NRXN1: variants seen among roughly 807,000 people sequenced by gnomAD.
NRXN1 encodes the protein neurexin 1.
A neutral mutation model predicts 150.9 loss-of-function variants in NRXN1; 39 were observed. The ratio of observed to expected loss-of-function variants is 0.26; its 90% confidence interval spans 0.20 to 0.34. NRXN1 has a LOEUF of 0.34. Among genes scored for constraint, NRXN1 ranks in the 10% least tolerant of loss-of-function variants. The probability of loss-of-function intolerance (pLI) is 1.00; values close to 1 mark genes in which losing one functional copy is unlikely to be tolerated. For synonymous variants in NRXN1, 924 were observed against 757.0 expected, an observed-to-expected ratio of 1.22 and a Z score of -3.62; for missense variants, 1,815 against 1,949.9, an observed-to-expected ratio of 0.93 and a Z score of 1.30.
intron 6 of NRXN1, among the ~76,000 whole-genome samples, chr2:50,623,078 C>A (rs529851500): frequency 6.6e-6 from 1 of 152,226 alleles, no homozygotes; most frequent in African/African-American, 2.4e-5. Flanking sequence ...GATATCCTTG[C>A]AGCCCTTTTG....
At chr2:50,063,379 C>T (rs2152650030) in intron 19 of NRXN1, among the ~76,000 whole-genome samples, 1 of 152,242 alleles carries the variant, frequency 6.6e-6, no homozygotes, top group Non-Finnish European at 1.5e-5. Context: ...TTGGCTCCAG[C>T]TTACTCCAGT....
intron 17 of NRXN1, among the ~76,000 whole-genome samples, chr2:50,398,036 A>G (rs2082154547): frequency 2.0e-5 from 3 of 152,096 alleles, no homozygotes; most frequent in Admixed American, 6.6e-5. Flanking sequence ...AGAATGTTGG[A>G]AAAAAACATC....
chr2:50,312,621 CAT>C (rs989813318), intron 17 of NRXN1: 19 of 450,462 alleles, frequency 4.2e-5, no homozygotes, highest in Admixed American at 2.6e-4. Context: ...ATCCTACACA[CAT>C]GTTAAACCTG....
At chr2:50,974,711 A>T (rs1197159016) in intron 2 of NRXN1, among the ~76,000 whole-genome samples, 1 of 152,006 alleles carries the variant, frequency 6.6e-6, no homozygotes, top group Non-Finnish European at 1.5e-5. Flanking sequence ...TAATCTTCAT[A>T]CCAATATGAA....
intron 2 of NRXN1, among the ~76,000 whole-genome samples, chr2:50,996,643 GA>G (rs1699331531): frequency 6.6e-6 from 1 of 151,872 alleles, no homozygotes; most frequent in South Asian, 2.1e-4. Context: ...GCTACAAGAC[GA>G]AAAGCTTAGA....
chr2:50,733,385 TTC>T (rs1698339360), intron 5 of NRXN1, among the ~76,000 whole-genome samples: 5 of 152,180 alleles, frequency 3.3e-5, no homozygotes, highest in Non-Finnish European at 5.9e-5. Flanking sequence ...TAATTTGTGT[TTC>T]TCTTATATTA....
At chr2:50,080,847 A>G (rs552691355) in intron 19 of NRXN1, among the ~76,000 whole-genome samples, 2 of 152,300 alleles carry the variant, frequency 1.3e-5, no homozygotes, top group African/African-American at 4.8e-5. Context: ...AAGGGCAGCC[A>G]CATTTCATTG....
At chr2:49,980,459 T>C (rs1218279178) in intron 21 of NRXN1, among the ~76,000 whole-genome samples, 4 of 152,044 alleles carry the variant, frequency 2.6e-5, no homozygotes, top group Admixed American at 6.6e-5. Context: ...AAAGGAAAGT[T>C]GGTAGGAGTA....
In NRXN1 at chr2:50,433,063, A is replaced by T. The variant is rs530628322; in HGVS notation, c.3364+32379T>A. Among the ~76,000 whole-genome samples the T allele has an allele frequency of 7.2e-5, 11 of 152,354 alleles. 1 individual carries two copies. The East Asian group carries it at 2.1e-3, about 29-fold the overall frequency. ...AATAAAAAATGATACATAGAAGGAAACACCCTTCATTGCCAGAAACAAGCT... is the reference window on the plus strand; with the variant it reads ...AATAAAAAATGATACATAGAAGGAATCACCCTTCATTGCCAGAAACAAGCT... On this transcript the variant is annotated intron_variant, in intron 17 of 22. Transcript: ENST00000401669.
chr2:50,865,045 A>T (rs1676687027), intron 5 of NRXN1, among the ~76,000 whole-genome samples: 1 of 151,850 alleles, frequency 6.6e-6, no homozygotes, highest in Non-Finnish European at 1.5e-5. Context: ...TATAAGAGGA[A>T]AAGAGTGCGT....
chr2:50,222,863 A>G (rs933460610), intron 18 of NRXN1, among the ~76,000 whole-genome samples: 1 of 151,998 alleles, frequency 6.6e-6, no homozygotes, highest in Non-Finnish European at 1.5e-5. Context: ...AATTGAATGT[A>G]TATGCATAAG....
chr2:50,091,571 T>C (rs1264843481), intron 18 of NRXN1, 77 bp from the exon 19 acceptor site: 1 of 1,456,764 alleles, frequency 6.9e-7, no homozygotes, highest in African/African-American at 1.4e-5. Flanking sequence ...TACAAGGTAT[T>C]GTTTTAAAAT....
chr2:50,777,336 T>C (rs1413296592), intron 5 of NRXN1, among the ~76,000 whole-genome samples: 2 of 152,176 alleles, frequency 1.3e-5, no homozygotes, highest in African/African-American at 4.8e-5. Flanking sequence ...CAATTTTCTA[T>C]GGTCATATGC....
At position 50,495,801 on chromosome 2, in the gene NRXN1, C is replaced by T. The variant is rs145574325; in HGVS notation, c.3070+104G>A. 4.8e-4 allele frequency: 421 copies of T among 876,032 alleles called. 4 individuals are homozygous for T. The African/African-American group carries it at 6.6e-3, about 14-fold the overall frequency. 54.3% of individuals were successfully genotyped at this position (876,032 alleles called of 1,614,324 possible). A position where few individuals can be genotyped will look rare whatever the true frequency, so the allele number is the denominator to read the frequency against. ...TATGTGCTGAAAATGAAATTCTGGT[C>T]AGTCTTTGCAGAAGGTACAAACACA... On this transcript the variant is annotated intron_variant, in intron 15 of 22. Coordinates refer to ENST00000401669, the MANE Select transcript of NRXN1 (RefSeq NM_001330078.2).
chr2:50,026,247 C>A (rs751117198), intron 21 of NRXN1, among the ~76,000 whole-genome samples: 29 of 152,148 alleles, frequency 1.9e-4, no homozygotes, highest in Non-Finnish European at 2.9e-4. Flanking sequence ...GAGGCACATG[C>A]TATCTGAAAC....
chr2:50,196,312 A>G (rs528698615), intron 18 of NRXN1, among the ~76,000 whole-genome samples: 1 of 152,290 alleles, frequency 6.6e-6, no homozygotes, highest in South Asian at 2.1e-4. Context: ...TGCCTTTTAG[A>G]TGCCCTTGTT....
intron 18 of NRXN1, among the ~76,000 whole-genome samples, chr2:50,135,802 C>A (rs1706315597): frequency 6.6e-6 from 1 of 152,152 alleles, no homozygotes; most frequent in Non-Finnish European, 1.5e-5. Context: ...TTTAGACTTT[C>A]ATGTAGGAGA....
chr2:50,054,893 A>G, intron 20 of NRXN1, 62 bp downstream of exon 20: 1 of 1,045,194 alleles, frequency 9.6e-7, no homozygotes, highest in Admixed American at 3.2e-5. Flanking sequence ...TGTTACAATG[A>G]AGTACTACTT....
At chr2:50,357,000 G>A (rs1344673019) in intron 17 of NRXN1, among the ~76,000 whole-genome samples, 1 of 152,052 alleles carries the variant, frequency 6.6e-6, no homozygotes, top group Non-Finnish European at 1.5e-5. Flanking sequence ...GATGAAAACT[G>A]GGCCAGGTGC....
Sources: allele counts gnomAD v4.1 joint callset (sites outside exome capture counted in the v4.1 genomes callset), GRCh38; gene constraint gnomAD v4.1.1; transcripts MANE v1.5; gene names NCBI Gene and HGNC (gene_info 2026-07-23, HGNC 2026-07-21).